Variants in DDAH1 observed in about 807,000 individuals in gnomAD.
DDAH1 encodes the protein dimethylarginine dimethylaminohydrolase 1, also known as N(G),N(G)-dimethylarginine dimethylaminohydrolase 1.
DDAH1 carries 19 observed loss-of-function variants against 28.8 expected under a neutral mutation model. The ratio of observed to expected loss-of-function variants is 0.66; its 90% CI spans 0.46 to 0.97. The LOEUF (loss-of-function observed/expected upper bound fraction) is 0.97, where lower values mean the gene tolerates loss of function less well. Ranked by LOEUF, DDAH1 falls within the 50% of genes least tolerant of loss-of-function variation. The pLI is 0.00. For synonymous variants in DDAH1, 153 were observed against 154.4 expected, an observed-to-expected ratio of 0.99 and a Z score of 0.07; for missense variants, 326 against 375.9, an observed-to-expected ratio of 0.87 and a Z score of 1.10.
chr1:85,517,835 ATC>A (rs1657525136), intron 1 of DDAH1, among the ~76,000 whole-genome samples: 1 of 152,126 alleles, frequency 6.6e-6, no homozygotes, highest in Admixed American at 6.6e-5. Context: ...GAGACCCTTC[ATC>A]AGTGACTCCC....
intron 4 of DDAH1, 42 bp downstream of exon 4, chr1:85,350,373 G>A (rs1435302897): frequency 6.3e-7 from 1 of 1,595,446 alleles, no homozygotes; most frequent in South Asian, 1.1e-5. Context: ...CCTGTGGCAG[G>A]CACCCCCACT....
chr1:85,507,157 T>C (rs887403774), intron 1 of DDAH1, among the ~76,000 whole-genome samples: 4 of 151,482 alleles, frequency 2.6e-5, no homozygotes, highest in African/African-American at 7.3e-5. Context: ...TGTATATATT[T>C]TGAAAGTTGT....
rs529548324 is a variant in DDAH1, at chr1:85,454,327, A to T, written c.303+10416T>A. On this transcript the variant is annotated intron_variant, in intron 1 of 5. Coordinates refer to ENST00000284031, the MANE Select transcript of DDAH1 (RefSeq NM_012137.4). ...CCTACCAGGCCACATAGAACTATGGACTCATCACTAGTTTGCTGAATGGAC... is the reference window on the plus strand; with the variant it reads ...CCTACCAGGCCACATAGAACTATGGTCTCATCACTAGTTTGCTGAATGGAC... 2.6e-5 allele frequency among the ~76,000 whole-genome samples: 4 copies of T among 152,290 alleles called. No homozygotes were observed. The South Asian group carries it at 8.3e-4, about 32-fold the overall frequency.
intron 1 of DDAH1, among the ~76,000 whole-genome samples, chr1:85,427,086 G>A (rs1653436508): frequency 6.6e-6 from 1 of 152,014 alleles, no homozygotes; most frequent in Non-Finnish European, 1.5e-5. Flanking sequence ...GACTTCCACA[G>A]GATCATAGTT....
chr1:85,363,982 T>G (rs1649927211), intron 1 of DDAH1, among the ~76,000 whole-genome samples: 1 of 151,504 alleles, frequency 6.6e-6, no homozygotes, highest in South Asian at 2.1e-4. Context: ...TCTGTGAAAT[T>G]AATCTAGTGG....
chr1:85,369,092 A>G lies in DDAH1; in HGVS notation c.304-10245T>C, dbSNP rs149438405. Among the ~76,000 whole-genome samples, 195 of 118,780 alleles carry G rather than the reference A, an allele frequency of 1.6e-3. 2 individuals carry two copies. Among genetic ancestry groups the G allele is most frequent in the African/African-American group, 6.3e-3 (188 of 29,914 alleles). The allele number at this position is 118,780 out of a possible 152,430, so 77.9% of individuals were successfully genotyped here. ...TTTTTTTTTTTTGAGACAGGGTCTC[A>G]CTCTGTCCTCCAGGCTGGAGTGCAG... On this transcript the variant is annotated intron_variant, in intron 1 of 5. Coordinates refer to ENST00000284031, the MANE Select transcript of DDAH1 (RefSeq NM_012137.4).
intron 1 of DDAH1, among the ~76,000 whole-genome samples, chr1:85,566,123 A>T (rs1659292538): frequency 6.6e-6 from 1 of 151,782 alleles, no homozygotes; most frequent in East Asian, 1.9e-4. Context: ...AACAACAAAG[A>T]GTTATAGTTC....
chr1:85,372,462 A>C (rs898825697), intron 1 of DDAH1, among the ~76,000 whole-genome samples: 1 of 152,160 alleles, frequency 6.6e-6, no homozygotes, highest in African/African-American at 2.4e-5. Context: ...TTCCTAATAG[A>C]AACATTCCGG....
chr1:85,525,567 T>TCACATACACACACACACACACA (rs1657838526), intron 1 of DDAH1, among the ~76,000 whole-genome samples: 1 of 148,984 alleles, frequency 6.7e-6, no homozygotes, highest in Non-Finnish European at 1.5e-5. Context: ...AGAATGATAT[T>TCACATACACACACACACACACA]CACACACACA....
At chr1:85,389,065 G>C (rs1651416931) in intron 1 of DDAH1, among the ~76,000 whole-genome samples, 1 of 152,074 alleles carries the variant, frequency 6.6e-6, no homozygotes. Flanking sequence ...TTTTAGGCCA[G>C]GTGTGGTGGC....
At chr1:85,372,972 A>C (rs1458294548) in intron 1 of DDAH1, among the ~76,000 whole-genome samples, 1 of 131,662 alleles carries the variant, frequency 7.6e-6, no homozygotes, top group Non-Finnish European at 1.7e-5. Context: ...ATCTGTCGGC[A>C]AAAAACCACT....
At chr1:85,451,548 T>G (rs1654670575) in intron 1 of DDAH1, among the ~76,000 whole-genome samples, 1 of 152,100 alleles carries the variant, frequency 6.6e-6, no homozygotes, top group Admixed American at 6.6e-5. Flanking sequence ...AACCACAATT[T>G]GAATTTATAG....
Position 85,464,622 on chromosome 1 carries a change from A to C in DDAH1, c.303+121T>G, listed in dbSNP as rs1655268020. The stretch of plus-strand genomic sequence containing the variant: ...CACACACACACACACTCGCCCCCCG[A>C]CGGGAAGTTGTGAACTACTAGCCCG... On this transcript the variant is annotated intron_variant, in intron 1 of 5. Transcript: ENST00000284031. The surrounding 1 kb of genome is among the most constrained non-coding windows in gnomAD (Gnocchi z 4.4). 2 of 1,513,954 alleles carry C rather than the reference A, an allele frequency of 1.3e-6. No individual in the cohort carries two copies. Among genetic ancestry groups the C allele is most frequent in the African/African-American group, 2.8e-5 (2 of 72,234 alleles). 93.8% of individuals were successfully genotyped at this position (1,513,954 alleles called of 1,614,324 possible). A position where few individuals can be genotyped will look rare whatever the true frequency, so the allele number is the denominator to read the frequency against.
intron 5 of DDAH1, 42 bp downstream of exon 5, chr1:85,324,698 A>C: frequency 6.2e-7 from 1 of 1,609,356 alleles, no homozygotes; most frequent in Non-Finnish European, 8.5e-7. Context: ...ATCCCCAGGG[A>C]GGCTGACCCA....
intron 5 of DDAH1, among the ~76,000 whole-genome samples, chr1:85,323,366 G>A (rs923712070): frequency 1.3e-5 from 2 of 152,106 alleles, no homozygotes; most frequent in Non-Finnish European, 2.9e-5. Context: ...ATCTATGGAC[G>A]AGCACTGTTA....
At chr1:85,493,379 T>C (rs551413238) in intron 2 of DDAH1, 5 of 152,162 alleles carry the variant, frequency 3.3e-5, no homozygotes, top group South Asian at 4.2e-4. Flanking sequence ...GCTTAAAAAA[T>C]TTTTCAAAAG....
At chr1:85,434,952 A>ATAAG (rs952212779) in intron 1 of DDAH1, among the ~76,000 whole-genome samples, 1 of 152,116 alleles carries the variant, frequency 6.6e-6, no homozygotes, top group Admixed American at 6.5e-5. Flanking sequence ...ACAGTATATA[A>ATAAG]TAAGTAATGA....
At chr1:85,513,392 A>T (rs1657319317) in intron 1 of DDAH1, among the ~76,000 whole-genome samples, 1 of 152,240 alleles carries the variant, frequency 6.6e-6, no homozygotes. Context: ...TAAAACCATA[A>T]AAACCCTAGA....
intron 1 of DDAH1, among the ~76,000 whole-genome samples, chr1:85,377,729 A>C (rs1421953960): frequency 6.8e-6 from 1 of 147,486 alleles, no homozygotes; most frequent in African/African-American, 2.5e-5. Context: ...CCCCCATACA[A>C]GTAGACACAC....
Sources: gnomAD v4.1 joint callset for allele counts (sites outside exome capture counted in the v4.1 genomes callset) on GRCh38, gnomAD v4.1.1 for gene constraint, Gnocchi (gnomAD v3.1) non-coding constraint, MANE v1.5 for transcripts, NCBI Gene and HGNC (gene_info 2026-07-23, HGNC 2026-07-21) for gene names.